DNAJC1: variants seen among roughly 807,000 people sequenced by gnomAD.
DNAJC1 encodes DnaJ heat shock protein family (Hsp40) member C1.
In DNAJC1, 58 loss-of-function variants were observed where a neutral mutation model predicts 76.6. The ratio of observed to expected loss-of-function variants is 0.76; its 90% CI spans 0.61 to 0.94. The LOEUF (loss-of-function observed/expected upper bound fraction) is 0.94. Ranked by LOEUF, DNAJC1 falls within the 40% of genes least tolerant of loss-of-function variation. DNAJC1 has a pLI of 0.00. For missense variants in DNAJC1, 689 were observed against 677.3 expected (o/e 1.02, Z -0.19); for synonymous variants, 258 against 267.9 (o/e 0.96, Z 0.36).
chr10:21,851,850 C>G (rs901610112), intron 8 of DNAJC1, among the ~76,000 whole-genome samples: 1 of 151,848 alleles, frequency 6.6e-6, no homozygotes, highest in Non-Finnish European at 1.5e-5. Context: ...GGCAGGAGAT[C>G]GATACCATCC....
intron 6 of DNAJC1, among the ~76,000 whole-genome samples, chr10:21,914,055 C>A (rs1564825881): frequency 6.6e-6 from 1 of 152,104 alleles, no homozygotes; most frequent in Non-Finnish European, 1.5e-5. Context: ...TTACAAACAC[C>A]ATATTCTTTT....
At chr10:21,993,156 A>T (rs1838354685) in intron 1 of DNAJC1, among the ~76,000 whole-genome samples, 1 of 152,108 alleles carries the variant, frequency 6.6e-6, no homozygotes. Context: ...TATACTCATA[A>T]ATTTATATAC....
At chr10:21,845,858 T>C (rs971155479) in intron 8 of DNAJC1, among the ~76,000 whole-genome samples, 1 of 152,180 alleles carries the variant, frequency 6.6e-6, no homozygotes, top group Non-Finnish European at 1.5e-5. Context: ...CTTGGTAATA[T>C]GCCCCCAGGA....
intron 9 of DNAJC1, among the ~76,000 whole-genome samples, chr10:21,782,517 C>G (rs1834545455): frequency 6.6e-6 from 1 of 151,974 alleles, no homozygotes; most frequent in South Asian, 2.1e-4. Context: ...TTCCAATCAA[C>G]AGAAAAAGAG....
At chr10:21,796,434 T>C (rs1349622018) in intron 9 of DNAJC1, among the ~76,000 whole-genome samples, 1 of 152,184 alleles carries the variant, frequency 6.6e-6, no homozygotes, top group African/African-American at 2.4e-5. Flanking sequence ...AGATCTTGAT[T>C]TCACTTCTTT....
chr10:21,799,046 C>T (rs1248020953), intron 9 of DNAJC1, among the ~76,000 whole-genome samples: 7 of 152,100 alleles, frequency 4.6e-5, no homozygotes, highest in Admixed American at 4.6e-4. Context: ...GAACAACATG[C>T]CACAGTCCTC....
chr10:21,908,622 A>G (rs1380823175), intron 6 of DNAJC1, among the ~76,000 whole-genome samples: 6 of 151,948 alleles, frequency 3.9e-5, no homozygotes, highest in African/African-American at 7.3e-5. Context: ...CTGGGGATAT[A>G]AACTTCTAAT....
intron 1 of DNAJC1, among the ~76,000 whole-genome samples, chr10:21,979,482 T>G (rs545904460): frequency 6.6e-6 from 1 of 152,088 alleles, no homozygotes; most frequent in Admixed American, 6.6e-5. Context: ...ATTATTATTT[T>G]CATGAGTGCT....
intron 8 of DNAJC1, among the ~76,000 whole-genome samples, chr10:21,814,540 T>C (rs1224516073): frequency 6.6e-6 from 1 of 152,176 alleles, no homozygotes; most frequent in East Asian, 1.9e-4. Context: ...GGGCAGGGTG[T>C]GTAATGCTTC....
At chr10:21,808,989 A>C (rs1834923879) in intron 8 of DNAJC1, among the ~76,000 whole-genome samples, 1 of 152,198 alleles carries the variant, frequency 6.6e-6, no homozygotes, top group Admixed American at 6.5e-5. Flanking sequence ...TAATGTAATG[A>C]CCTCAAAATA....
rs982476714 is a variant in DNAJC1 at position 21,841,918 on chromosome 10, T to C, written c.979-35819A>G. ...TACACCATGGAATACTATGCAGCCA[T>C]AAAAAATGATGAGTTCATGTCCTTT... On this transcript the variant is annotated intron_variant, in intron 8 of 11. Transcript: ENST00000376980. Among the ~76,000 whole-genome samples the C allele has an allele frequency of 3.9e-5, 6 of 152,024 alleles. No individual in the cohort carries two copies. In the East Asian group the frequency reaches 1.2e-3, roughly 29 times the overall value.
chr10:21,857,578 G>GGA (rs1452052176), intron 8 of DNAJC1, among the ~76,000 whole-genome samples: 1 of 152,134 alleles, frequency 6.6e-6, no homozygotes, highest in African/African-American at 2.4e-5. Context: ...AGAAAAAAAG[G>GGA]GAGAGAGAGA....
chr10:21,967,009 TTCTTC>T (rs1393302893), intron 1 of DNAJC1, among the ~76,000 whole-genome samples: 3 of 77,202 alleles, frequency 3.9e-5, no homozygotes, highest in African/African-American at 2.1e-4. Flanking sequence ...TTTCTTCTTC[TTCTTC>T]TTTTTTTTTT....
chr10:21,971,098 T>C (rs1837969796), intron 1 of DNAJC1, among the ~76,000 whole-genome samples: 1 of 151,836 alleles, frequency 6.6e-6, no homozygotes, highest in African/African-American at 2.4e-5. Context: ...AATAAAATAG[T>C]ATTTTAGTTT....
At chr10:21,928,265 C>A (rs1193688571) in intron 3 of DNAJC1, among the ~76,000 whole-genome samples, 2 of 152,100 alleles carry the variant, frequency 1.3e-5, no homozygotes, top group Non-Finnish European at 2.9e-5. Flanking sequence ...ATTAAGGAAG[C>A]CCGGACTTGC....
chr10:21,840,327 C>T (rs371201734), intron 8 of DNAJC1, among the ~76,000 whole-genome samples: 26 of 152,238 alleles, frequency 1.7e-4, no homozygotes, highest in East Asian at 7.7e-4. Context: ...TGTTTGCAGA[C>T]GACATGATTG....
intron 9 of DNAJC1, among the ~76,000 whole-genome samples, chr10:21,778,754 C>T (rs1181340981): frequency 6.6e-6 from 1 of 152,206 alleles, no homozygotes; most frequent in Non-Finnish European, 1.5e-5. Flanking sequence ...GGGTGCAGGA[C>T]AGTGGGTGCA....
intron 10 of DNAJC1, 139 bp downstream of exon 10, chr10:21,766,122 C>T (rs1348850452): frequency 5.7e-6 from 4 of 703,834 alleles, no homozygotes; most frequent in Admixed American, 4.7e-5. Context: ...GTATTTCAAC[C>T]CTTTTTGGAG....
At chr10:21,943,158 C>A (rs1837447124) in intron 1 of DNAJC1, among the ~76,000 whole-genome samples, 1 of 151,548 alleles carries the variant, frequency 6.6e-6, no homozygotes, top group African/African-American at 2.4e-5. Context: ...ATGCATGCAG[C>A]TAACAAGACA....
Sources: allele counts gnomAD v4.1 joint callset (sites outside exome capture counted in the v4.1 genomes callset), GRCh38; gene constraint gnomAD v4.1.1; transcripts MANE v1.5; gene names NCBI Gene and HGNC (gene_info 2026-07-23, HGNC 2026-07-21).